The following FBXL20 variants were observed in gnomAD, a reference collection of about 807,000 sequenced individuals.
The protein encoded by FBXL20 is F-box and leucine rich repeat protein 20, also known as F-box/LRR-repeat protein 20.
A neutral mutation model predicts 64.0 loss-of-function variants in FBXL20; 11 were observed. The ratio of observed to expected loss-of-function variants is 0.17; its 90% CI spans 0.11 to 0.28. The LOEUF (loss-of-function observed/expected upper bound fraction) is 0.28. Among genes scored for constraint, FBXL20 ranks in the 10% least tolerant of loss-of-function variants. The pLI is 1.00. For missense variants in FBXL20, 303 were observed against 526.2 expected (o/e 0.58, Z 4.15); for synonymous variants, 184 against 189.0 (o/e 0.97, Z 0.22).
Position 39,362,869 on chromosome 17 carries a change from C to T in FBXL20, c.43-19628G>A, listed in dbSNP as rs2047812022. ...CTGACCTCAAGTGATCTGCCTGCCT[C>T]GGCCTCCCAAAGTGCTGGGATTACA... On this transcript the variant is annotated intron_variant, in intron 1 of 14. Transcript: ENST00000264658. Among the ~76,000 whole-genome samples, 7 of 152,184 alleles carry T rather than the reference C, an allele frequency of 4.6e-5. No individual in the cohort carries two copies. The South Asian group carries it at 1.0e-3, about 23-fold the overall frequency.
At position 39,319,803 on chromosome 17, in the gene FBXL20, C is replaced by T. The variant is rs530022053; in HGVS notation, c.105-16164G>A. Among the ~76,000 whole-genome samples, 11 of 151,636 alleles carry T rather than the reference C, an allele frequency of 7.3e-5. No homozygotes were observed. In the South Asian group the frequency reaches 1.9e-3, roughly 26 times the overall value. ...TCATTATTATTTTTAAAATAGAGAC[C>T]GGGTCTCGCTGTTGCCCAGGCTGCT... is the stretch of plus-strand genomic sequence containing the variant. On this transcript the variant is annotated intron_variant, in intron 2 of 14. Transcript: ENST00000264658.
upstream of FBXL20, chr17:39,402,031 C>G: frequency 1.4e-6 from 1 of 718,356 alleles, no homozygotes; most frequent in Non-Finnish European, 1.9e-6. Flanking sequence ...TCTCCTCCCT[C>G]CGCGGGCAAA....
chr17:39,258,963 A>C lies in FBXL20; in HGVS notation c.*2497T>G, dbSNP rs1267526358. 1.3e-5 allele frequency: 2 copies of C among 152,230 alleles called. No homozygotes were observed. Among genetic ancestry groups the C allele is most frequent in the Non-Finnish European group, 2.9e-5 (2 of 68,038 alleles). 9.4% of individuals were successfully genotyped at this position (152,230 alleles called of 1,614,324 possible). A position where few individuals can be genotyped will look rare whatever the true frequency, so the allele number is the denominator to read the frequency against. Reference sequence around the variant, plus strand: ...TTATAAGGTAATCTGAAAGAGAATAAGGGGAAAGGGGAATGAATAAACAAG... The same window carrying C: ...TTATAAGGTAATCTGAAAGAGAATACGGGGAAAGGGGAATGAATAAACAAG... On this transcript the variant is annotated 3_prime_UTR_variant, in exon 15 of 15. Transcript: ENST00000264658.
chr17:39,286,850 G>A (rs2046992928), intron 6 of FBXL20, among the ~76,000 whole-genome samples: 1 of 150,922 alleles, frequency 6.6e-6, no homozygotes, highest in African/African-American at 2.4e-5. Context: ...TTTTATTCCA[G>A]GATTTTAAAG....
At position 39,258,541 on chromosome 17, in the gene FBXL20, T is replaced by C. The variant is rs1483848243; in HGVS notation, c.*2919A>G. ...CTGGAATTTGCCTTAATAGCAGAGA[T>C]CACCAGAGCAAGTCCCCATGGACCT... On this transcript the variant is annotated 3_prime_UTR_variant, in exon 15 of 15. Transcript: ENST00000264658. 3 of 152,222 alleles carry C rather than the reference T, an allele frequency of 2.0e-5. No homozygotes were observed. Among genetic ancestry groups the C allele is most frequent in the African/African-American group, 7.2e-5 (3 of 41,456 alleles). 9.4% of individuals were successfully genotyped at this position (152,222 alleles called of 1,614,324 possible).
chr17:39,321,974 T>G (rs2047360561), intron 2 of FBXL20, among the ~76,000 whole-genome samples: 1 of 151,818 alleles, frequency 6.6e-6, no homozygotes, highest in African/African-American at 2.4e-5. Flanking sequence ...GAACCAGCAG[T>G]AGATATTTCA....
chr17:39,335,100 T>G (rs2047507541), intron 2 of FBXL20, among the ~76,000 whole-genome samples: 1 of 152,150 alleles, frequency 6.6e-6, no homozygotes, highest in African/African-American at 2.4e-5. Context: ...AGACCCTGTT[T>G]CTCTAGCTGT....
intron 3 of FBXL20, among the ~76,000 whole-genome samples, chr17:39,302,904 T>C (rs916981132): frequency 2.0e-5 from 3 of 151,942 alleles, no homozygotes; most frequent in Non-Finnish European, 2.9e-5. Context: ...ATACTATCAT[T>C]GCTCTGAAAC....
intron 2 of FBXL20, among the ~76,000 whole-genome samples, chr17:39,317,669 T>G (rs920440853): frequency 3.2e-5 from 2 of 63,388 alleles, no homozygotes; most frequent in African/African-American, 6.0e-4. Context: ...ATAGGAGAGT[T>G]TGACTTTGTT....
At chr17:39,280,071 A>G (rs978968439) in intron 9 of FBXL20, among the ~76,000 whole-genome samples, 1 of 151,928 alleles carries the variant, frequency 6.6e-6, no homozygotes, top group Non-Finnish European at 1.5e-5. Flanking sequence ...CATCCCTACT[A>G]AAAATACAAA....
At chr17:39,330,850 C>T (rs2047453406) in intron 2 of FBXL20, among the ~76,000 whole-genome samples, 1 of 152,120 alleles carries the variant, frequency 6.6e-6, no homozygotes, top group Non-Finnish European at 1.5e-5. Context: ...AGAGAGGCAG[C>T]ATCCAATTTA....
chr17:39,315,086 T>C (rs1330844098), intron 2 of FBXL20, among the ~76,000 whole-genome samples: 1 of 152,056 alleles, frequency 6.6e-6, no homozygotes, highest in East Asian at 1.9e-4. Flanking sequence ...GTTGGGCTAC[T>C]GTGCCCAGCT....
chr17:39,265,218 C>T (rs994662798), intron 13 of FBXL20, among the ~76,000 whole-genome samples, 179 bp downstream of exon 13: 1 of 152,156 alleles, frequency 6.6e-6, no homozygotes, highest in African/African-American at 2.4e-5. Context: ...TTAACTTTTT[C>T]AGTTCTTATC....
chr17:39,371,707 C>G (rs570875781), intron 1 of FBXL20, among the ~76,000 whole-genome samples: 1 of 151,064 alleles, frequency 6.6e-6, no homozygotes, highest in South Asian at 2.1e-4. Flanking sequence ...GTTGCCCAGG[C>G]TGGAGTGCAG....
rs774595697 is a variant in FBXL20 at position 39,264,355 on chromosome 17, A to G, written c.1023T>C (p.Asp341=). ...SLSHCELITD[D]GIRHLGNGAC... The stretch of plus-strand genomic sequence containing the variant: ...CCCCATTCCCCAGGTGACGAATTCC[A>G]TCATCTGTGATCAGCTCACAGTGAG... The change falls in exon 14 of 15, where the codon GAT becomes GAC. Residue 341 remains aspartate (D), a synonymous_variant. Coordinates refer to ENST00000264658, the MANE Select transcript of FBXL20 (RefSeq NM_032875.3). 3 of 1,613,658 alleles carry G rather than the reference A, an allele frequency of 1.9e-6. No homozygotes were observed. Among genetic ancestry groups the G allele is most frequent in the South Asian group, 2.2e-5 (2 of 91,064 alleles).
chr17:39,380,424 T>TA (rs1320307561), intron 1 of FBXL20, among the ~76,000 whole-genome samples: 4 of 152,312 alleles, frequency 2.6e-5, no homozygotes, highest in Admixed American at 6.5e-5. Context: ...CCACTGTTCT[T>TA]AGAGTACATC....
intron 2 of FBXL20, among the ~76,000 whole-genome samples, chr17:39,310,061 G>A (rs907552866): frequency 2.0e-5 from 3 of 151,548 alleles, no homozygotes; most frequent in Non-Finnish European, 4.4e-5. Context: ...GCTGAGGCGG[G>A]AGGATTGTTT....
intron 9 of FBXL20, among the ~76,000 whole-genome samples, chr17:39,275,697 A>G (rs1219396377): frequency 1.3e-5 from 2 of 151,982 alleles, no homozygotes; most frequent in Admixed American, 1.3e-4. Context: ...GGCTTGAGCC[A>G]CCATGCCTGG....
chr17:39,324,765 G>A (rs749693980), intron 2 of FBXL20, among the ~76,000 whole-genome samples: 20 of 152,172 alleles, frequency 1.3e-4, no homozygotes, highest in Non-Finnish European at 1.3e-4. Flanking sequence ...TGTGACAACA[G>A]TGCATTGCAG....
Sources: gnomAD v4.1 joint callset for allele counts (sites outside exome capture counted in the v4.1 genomes callset) on GRCh38, gnomAD v4.1.1 for gene constraint, MANE v1.5 for transcripts, NCBI Gene and HGNC (gene_info 2026-07-23, HGNC 2026-07-21) for gene names.